CSMD1: variants seen among roughly 807,000 people sequenced by gnomAD.
CSMD1 encodes CUB and sushi domain-containing protein 1.
In CSMD1, 213 loss-of-function variants were observed where a neutral mutation model predicts 417.5. The observed-to-expected ratio is 0.51, with a 90% CI of 0.46 to 0.57. CSMD1 has a LOEUF of 0.57. CSMD1 is among the 20% of genes least tolerant of loss of function. The pLI is 0.00. For missense variants in CSMD1, 6,923 were observed against 4,529.7 expected (o/e 1.53, Z -15.17); for synonymous variants, 2,862 against 1,736.8 (o/e 1.65, Z -16.11).
intron 1 of CSMD1, among the ~76,000 whole-genome samples, chr8:4,648,230 G>A (rs905628532): frequency 3.9e-5 from 6 of 152,192 alleles, no homozygotes; most frequent in Non-Finnish European, 8.8e-5. Flanking sequence ...AGAAGTGTCT[G>A]TTCATATCCT....
chr8:4,951,253 T>C (rs1457870609), intron 1 of CSMD1, among the ~76,000 whole-genome samples: 2 of 152,138 alleles, frequency 1.3e-5, no homozygotes, highest in African/African-American at 4.8e-5. Context: ...TCCTGTGTCA[T>C]TGCTGATAAC....
At chr8:4,705,285 A>C (rs1371967276) in intron 1 of CSMD1, among the ~76,000 whole-genome samples, 1 of 152,180 alleles carries the variant, frequency 6.6e-6, no homozygotes, top group Non-Finnish European at 1.5e-5. Context: ...AAATTGAGTA[A>C]TACAATGGGT....
intron 1 of CSMD1, among the ~76,000 whole-genome samples, chr8:4,750,088 C>A (rs1351081681): frequency 6.6e-6 from 1 of 152,154 alleles, no homozygotes; most frequent in East Asian, 1.9e-4. Flanking sequence ...TCACCGCAAG[C>A]TCCGCCTCCC....
At chr8:4,871,730 G>T (rs147607577) in intron 1 of CSMD1, among the ~76,000 whole-genome samples, 1 of 152,058 alleles carries the variant, frequency 6.6e-6, no homozygotes, top group East Asian at 1.9e-4. Flanking sequence ...CATAATTTCA[G>T]AGTTCATATT....
chr8:3,119,012 C>G (rs1025334591), intron 41 of CSMD1, among the ~76,000 whole-genome samples: 9 of 152,114 alleles, frequency 5.9e-5, no homozygotes, highest in Non-Finnish European at 1.2e-4. Flanking sequence ...AATCCTGTCT[C>G]TACTAAAAAT....
At chr8:4,507,335 G>A (rs970206998) in intron 2 of CSMD1, among the ~76,000 whole-genome samples, 5 of 152,066 alleles carry the variant, frequency 3.3e-5, no homozygotes, top group South Asian at 2.1e-4. Context: ...TTCAATTAAC[G>A]CCACCCTAAT....
intron 3 of CSMD1, among the ~76,000 whole-genome samples, chr8:4,224,033 C>G (rs530927180): frequency 6.6e-6 from 1 of 152,058 alleles, no homozygotes; most frequent in Admixed American, 6.5e-5. Context: ...GTTATTTTAA[C>G]AAAACATGCA....
At chr8:4,757,051 T>C (rs1299955713) in intron 1 of CSMD1, among the ~76,000 whole-genome samples, 1 of 152,194 alleles carries the variant, frequency 6.6e-6, no homozygotes, top group Non-Finnish European at 1.5e-5. Flanking sequence ...ATGCATTGTG[T>C]TTAAGAAACT....
At chr8:3,389,022 A>G (rs944771189) in intron 17 of CSMD1, among the ~76,000 whole-genome samples, 1 of 152,196 alleles carries the variant, frequency 6.6e-6, no homozygotes, top group African/African-American at 2.4e-5. Flanking sequence ...AAATGAACAC[A>G]TGGTACCCAA....
rs569864094 is a variant in CSMD1 at position 4,179,109 on chromosome 8, C to T, written c.416-147010G>A. Among the ~76,000 whole-genome samples, 622 of 152,200 alleles carry T rather than the reference C, an allele frequency of 4.1e-3. 2 individuals carry two copies. Among genetic ancestry groups the T allele is most frequent in the African/African-American group, 0.014 (593 of 41,508 alleles). ...GTTCATATGGAAACAAAAAAGAGCCCGCATCGCCAAGTCAATCCTAAGCCA... is the reference window on the plus strand; with the variant it reads ...GTTCATATGGAAACAAAAAAGAGCCTGCATCGCCAAGTCAATCCTAAGCCA... On this transcript the variant is annotated intron_variant, in intron 3 of 69. Transcript: ENST00000635120.
chr8:4,059,507 G>C lies in CSMD1; in HGVS notation c.416-27408C>G, dbSNP rs537456849. Among the ~76,000 whole-genome samples the C allele has an allele frequency of 3.4e-4, 51 of 152,222 alleles. No homozygotes were observed. In the East Asian group the frequency reaches 6.6e-3, roughly 20 times the overall value. On this transcript the variant is annotated intron_variant, in intron 3 of 69. Transcript: ENST00000635120. ...CAAAAAATTAATGAATCCAGGAGCT[G>C]GTTTTTTGAAAGGATCAACAAAATT...
At chr8:4,396,661 C>G (rs946082826) in intron 3 of CSMD1, among the ~76,000 whole-genome samples, 1 of 151,652 alleles carries the variant, frequency 6.6e-6, no homozygotes, top group South Asian at 2.1e-4. Context: ...ATATATCTCC[C>G]CATACACACA....
chr8:4,535,569 G>C (rs193065110), intron 2 of CSMD1, among the ~76,000 whole-genome samples: 8 of 152,094 alleles, frequency 5.3e-5, no homozygotes, highest in Non-Finnish European at 1.2e-4. Context: ...GTTACTCGTA[G>C]GTTAACCCTA....
intron 23 of CSMD1, among the ~76,000 whole-genome samples, chr8:3,339,780 C>T (rs778524470): frequency 2.6e-5 from 4 of 152,020 alleles, no homozygotes; most frequent in African/African-American, 7.3e-5. Flanking sequence ...GTGTAAGGTG[C>T]GAAGAAGTAC....
intron 15 of CSMD1, among the ~76,000 whole-genome samples, chr8:3,404,115 T>C (rs988597878): frequency 6.6e-6 from 1 of 152,066 alleles, no homozygotes; most frequent in Non-Finnish European, 1.5e-5. Context: ...CTACTTCTCC[T>C]CTGAGGTCAG....
rs149826769 is a variant in CSMD1, at chr8:3,782,070, G to A, written c.819-28028C>T. ...TCTGTCCACTTAATACTTGGAAGGAGAGTTTGATAAAATAAACAATAAAAT... is the reference window on the plus strand; with the variant it reads ...TCTGTCCACTTAATACTTGGAAGGAAAGTTTGATAAAATAAACAATAAAAT... On this transcript the variant is annotated intron_variant, in intron 5 of 69. Coordinates refer to ENST00000635120, the MANE Select transcript of CSMD1 (RefSeq NM_033225.6). 1.6e-4 allele frequency among the ~76,000 whole-genome samples: 25 copies of A among 152,228 alleles called. No individual in the cohort carries two copies. In the East Asian group the frequency reaches 3.5e-3, roughly 21 times the overall value.
chr8:3,665,874 T>C (rs1194703830), intron 7 of CSMD1, among the ~76,000 whole-genome samples: 1 of 152,074 alleles, frequency 6.6e-6, no homozygotes, highest in African/African-American at 2.4e-5. Context: ...GGTTTGCTTT[T>C]TTGTTGTTGT....
intron 2 of CSMD1, among the ~76,000 whole-genome samples, chr8:4,570,554 T>A (rs1400714326): frequency 6.6e-6 from 1 of 152,198 alleles, no homozygotes; most frequent in East Asian, 1.9e-4. Context: ...TATTGAGGAT[T>A]TTCACATCGA....
intron 23 of CSMD1, among the ~76,000 whole-genome samples, chr8:3,324,271 A>T (rs998382422): frequency 3.4e-5 from 5 of 149,040 alleles, no homozygotes; most frequent in African/African-American, 1.0e-4. Flanking sequence ...CATCGTTGTT[A>T]AAATAGGCCA....
Sources: allele counts gnomAD v4.1 joint callset (sites outside exome capture counted in the v4.1 genomes callset), GRCh38; gene constraint gnomAD v4.1.1; transcripts MANE v1.5; gene names NCBI Gene and HGNC (gene_info 2026-07-23, HGNC 2026-07-21).